ADGRB2: variants seen among roughly 807,000 people sequenced by gnomAD.
The protein encoded by ADGRB2 is brain-specific angiogenesis inhibitor 2.
A neutral mutation model predicts 178.7 loss-of-function variants in ADGRB2; 47 were observed. The ratio of observed to expected loss-of-function variants is 0.26; its 90% confidence interval spans 0.21 to 0.34. The LOEUF (loss-of-function observed/expected upper bound fraction) is 0.34. Among genes scored for constraint, ADGRB2 ranks in the 10% least tolerant of loss-of-function variants. The pLI is 1.00. For missense variants in ADGRB2, 1,584 were observed against 2,180.8 expected (o/e 0.73, Z 5.45); for synonymous variants, 870 against 912.4 (o/e 0.95, Z 0.84).
rs558506914 is a variant in ADGRB2 at position 31,740,714 on chromosome 1, TAG to T, written c.1795-175_1795-174del. Among the ~76,000 whole-genome samples the T allele has an allele frequency of 6.6e-6, 1 of 151,478 alleles. No homozygotes were observed. The highest frequency in any genetic ancestry group is 6.6e-5 in the Admixed American group (1 of 15,230). Reference sequence around the variant, plus strand: ...AGACAGAGTCCGAGAAAGAGACTCATAGAGAGAGAGAGAATCCCAAAGGGTAC... The same window carrying T: ...AGACAGAGTCCGAGAAAGAGACTCATAGAGAGAGAGAATCCCAAAGGGTAC... On this transcript the variant is annotated intron_variant, in intron 11 of 32. Coordinates refer to ENST00000373658, the MANE Select transcript of ADGRB2 (RefSeq NM_001364857.2). The surrounding 1 kb of genome is among the most constrained non-coding windows in gnomAD (Gnocchi z 5.9).
chr1:31,733,261 C>G lies in ADGRB2; in HGVS notation c.3453-118G>C. ...GCCCAAGACTGGGAGGGCCCCAAAC[C>G]CCAGGGCCTCAGTAATGTCCCCAAG... On this transcript the variant is annotated intron_variant, in intron 25 of 32. Coordinates refer to ENST00000373658, the MANE Select transcript of ADGRB2 (RefSeq NM_001364857.2). This position sits in a 1 kb window ranked among gnomAD's most constrained non-coding sequence, Gnocchi z 4.3. The G allele has an allele frequency of 9.0e-7, 1 of 1,113,460 alleles. No homozygotes were observed. Among genetic ancestry groups the G allele is most frequent in the Non-Finnish European group, 1.3e-6 (1 of 790,904 alleles). 69.0% of individuals were successfully genotyped at this position (1,113,460 alleles called of 1,614,324 possible).
intron 2 of ADGRB2, 48 bp from the exon 3 acceptor site, chr1:31,757,329 T>C: frequency 7.2e-7 from 1 of 1,396,670 alleles, no homozygotes; most frequent in Non-Finnish European, 1.0e-6. Context: ...TTTGCTTTTT[T>C]ATAAATTAGA....
In ADGRB2 at chr1:31,742,138, C is replaced by T; in HGVS notation, c.1332G>A (p.Arg444=). The T allele has an allele frequency of 6.2e-7, 1 of 1,613,566 alleles. No individual in the cohort carries two copies. The highest frequency in any genetic ancestry group is 8.5e-7 in the Non-Finnish European group (1 of 1,179,944). Residue 444 remains arginine (R), a synonymous_variant, in exon 8 of 33, where the codon CGG becomes CGA. Transcript: ENST00000373658. ...AGGCTGGGCCCGCCACGCTGCACTT[C>T]CGGCTGCGCTGTTGGGTCCCATTGG... The part of the protein sequence containing the change: ...SCANGTQQRS[R]KCSVAGPAWA...
intron 15 of ADGRB2, 105 bp from the exon 16 acceptor site, chr1:31,739,042 G>T: frequency 9.3e-7 from 1 of 1,074,672 alleles, no homozygotes. Context: ...AAGGAGCCAA[G>T]GCCCAGGGGA....
chr1:31,764,076 G>T lies in ADGRB2; in HGVS notation c.-383C>A. 4.2e-6 allele frequency: 4 copies of T among 959,270 alleles called. No individual in the cohort carries two copies. The highest frequency in any genetic ancestry group is 3.7e-6 in the Non-Finnish European group (3 of 810,858). 59.4% of individuals were successfully genotyped at this position (959,270 alleles called of 1,614,324 possible). On this transcript the variant is annotated 5_prime_UTR_variant, in exon 1 of 33. Transcript: ENST00000373658. The surrounding 1 kb of genome is among the most constrained non-coding windows in gnomAD (Gnocchi z 7.3). The stretch of plus-strand genomic sequence containing the variant: ...GCCGCGGAGCAGCGCGGGGCGGGCG[G>T]GCGGGCGGCGCCGGGCCGGGCGCGG...
Position 31,727,832 on chromosome 1 carries a change from A to T in ADGRB2, c.4572+193T>A. Reference sequence around the variant, plus strand: ...TCTCCTGCTGACCACTCTCCCTCCCAATCCTGGAGGACCTCCACCCCTGTT... The same window carrying T: ...TCTCCTGCTGACCACTCTCCCTCCCTATCCTGGAGGACCTCCACCCCTGTT... On this transcript the variant is annotated intron_variant, in intron 32 of 32. Transcript: ENST00000373658. The surrounding 1 kb of genome is among the most constrained non-coding windows in gnomAD (Gnocchi z 4.4). 1.1e-6 allele frequency: 1 copy of T among 900,208 alleles called. No homozygotes were observed. Among genetic ancestry groups the T allele is most frequent in the South Asian group, 1.8e-5 (1 of 55,600 alleles). 55.8% of individuals were successfully genotyped at this position (900,208 alleles called of 1,614,324 possible). A position where few individuals can be genotyped will look rare whatever the true frequency, so the allele number is the denominator to read the frequency against.
At chr1:31,763,761 G>C in intron 1 of ADGRB2, 123 bp downstream of exon 1, 1 of 978,780 alleles carries the variant, frequency 1.0e-6, no homozygotes, top group South Asian at 4.7e-5. Flanking sequence ...AGTTCGGGCT[G>C]GGGGAGAATT....
intron 28 of ADGRB2, among the ~76,000 whole-genome samples, chr1:31,731,813 T>C (rs1486168654): frequency 1.3e-5 from 2 of 152,172 alleles, no homozygotes; most frequent in Non-Finnish European, 2.9e-5. Context: ...CTCTGTGCCA[T>C]GGGTCCTGCT....
rs2148895182 is a variant in ADGRB2, at chr1:31,732,534, C to T, written c.3703G>A (p.Gly1235Arg). Residue 1235 changes from glycine to arginine, a missense_variant, in exon 27 of 33, where the codon GGG becomes AGG. Gly to Arg is a moderately radical substitution (Grantham distance 125). This residue lies in a region of ADGRB2 where 865 missense variants were observed against 1,192.8 expected (regional missense o/e 0.73). Coordinates refer to ENST00000373658, the MANE Select transcript of ADGRB2 (RefSeq NM_001364857.2). ...TAACTCACCAGGATCTGCAGCTGCC[C>T]GTTCTTACACGAGTCAGGGGAGTCT... is the stretch of plus-strand genomic sequence containing the variant. ...SEDSPDSCKN[G>R]QLQILSDFEK... 1.9e-6 allele frequency: 3 copies of T among 1,614,172 alleles called. No homozygotes were observed. The highest frequency in any genetic ancestry group is 1.3e-5 in the African/African-American group (1 of 75,068).
Position 31,744,235 on chromosome 1 carries a change from G to C in ADGRB2, c.1045C>G (p.Leu349Val). The C allele has an allele frequency of 1.3e-6, 2 of 1,546,618 alleles. No individual in the cohort carries two copies. The highest frequency in any genetic ancestry group is 1.7e-6 in the Non-Finnish European group (2 of 1,144,286). ...SPYGTLCSGP[L>V]RETRPCNNSA... ...TTGTTGCAGGGCCTGGTCTCCCGCA[G>C]GGGCCCGCTGCACAGGGTCCCATAG... The change falls in exon 6 of 33, where the codon CTG becomes GTG. Residue 349 changes from leucine to valine, a missense_variant. By Grantham distance (32) the Leu-to-Val change is conservative (BLOSUM62 1). Coordinates refer to ENST00000373658, the MANE Select transcript of ADGRB2 (RefSeq NM_001364857.2). The surrounding 1 kb of genome is among the most constrained non-coding windows in gnomAD (Gnocchi z 6.7).
chr1:31,744,690 G>T lies in ADGRB2; in HGVS notation c.880C>A (p.Pro294Thr), dbSNP rs1646185692. ...EEEPKVKTQWPRSADEPGLYM... is the reference protein window; with the variant it reads ...EEEPKVKTQWTRSADEPGLYM... Reference sequence around the variant, plus strand: ...AGCCCAGGCTCATCTGCAGACCTCGGCCACTGGGTTTTCACTTTCGGTTCC... The same window carrying T: ...AGCCCAGGCTCATCTGCAGACCTCGTCCACTGGGTTTTCACTTTCGGTTCC... The change falls in exon 5 of 33, where the codon CCG becomes ACG. Residue 294 changes from proline to threonine, a missense_variant. Around this residue, in one of 3 missense-constraint regions of ADGRB2, gnomAD observed 657 missense variants for 847.6 expected, o/e 0.78. Transcript: ENST00000373658. The surrounding 1 kb of genome is among the most constrained non-coding windows in gnomAD (Gnocchi z 6.7). The T allele has an allele frequency of 4.3e-6, 7 of 1,614,188 alleles. No individual in the cohort carries two copies. The highest frequency in any genetic ancestry group is 5.9e-6 in the Non-Finnish European group (7 of 1,180,024).
In ADGRB2 at chr1:31,741,492, A is replaced by G; in HGVS notation, c.1688-13T>C. ...CGGCTGGCAGACCCTGCAGGGCAAT[A>G]GGACAGAGGTCTGGGCATGGGGGCC... On this transcript the variant is annotated splice_polypyrimidine_tract_variant and intron_variant, in intron 10 of 32. Transcript: ENST00000373658. The surrounding 1 kb of genome is among the most constrained non-coding windows in gnomAD (Gnocchi z 6.5). 6.3e-7 allele frequency: 1 copy of G among 1,584,820 alleles called. No homozygotes were observed. The highest frequency in any genetic ancestry group is 1.7e-4 in the Middle Eastern group (1 of 6,014).
At chr1:31,743,278 AG>A (rs1201764868) in intron 6 of ADGRB2, among the ~76,000 whole-genome samples, 1 of 152,026 alleles carries the variant, frequency 6.6e-6, no homozygotes, top group African/African-American at 2.4e-5. Flanking sequence ...GAGGGGAACC[AG>A]GGGTCCTCCT....
Position 31,728,122 on chromosome 1 carries a change from C to T in ADGRB2, c.4516-41G>A, listed in dbSNP as rs1355978087. 6.2e-7 allele frequency: 1 copy of T among 1,613,220 alleles called. No individual in the cohort carries two copies. Among genetic ancestry groups the T allele is most frequent in the Admixed American group, 1.7e-5 (1 of 59,978 alleles). On this transcript the variant is annotated intron_variant, in intron 31 of 32. Coordinates refer to ENST00000373658, the MANE Select transcript of ADGRB2 (RefSeq NM_001364857.2). The surrounding 1 kb of genome is among the most constrained non-coding windows in gnomAD (Gnocchi z 6.7). The stretch of plus-strand genomic sequence containing the variant: ...CCGGTCAGGCTCCAACCCCAGGGGC[C>T]ACTGCACCAGGTCAGGCCCTGAGCT...
Position 31,728,836 on chromosome 1 carries a change from A to ACACACACACACACACACACACACACACC in ADGRB2, c.4381-204_4381-203insGGTGTGTGTGTGTGTGTGTGTGTGTGTG, listed in dbSNP as rs1645133931. 6.6e-6 allele frequency among the ~76,000 whole-genome samples: 1 copy of ACACACACACACACACACACACACACACC among 151,018 alleles called. No individual in the cohort carries two copies. Among genetic ancestry groups the ACACACACACACACACACACACACACACC allele is most frequent in the East Asian group, 1.9e-4 (1 of 5,138 alleles). ...CACACACACACACACACACACACAC[A>ACACACACACACACACACACACACACACC]CACACACACACGTCAAATGGCATGG... is the stretch of plus-strand genomic sequence containing the variant. On this transcript the variant is annotated intron_variant, in intron 29 of 32. Transcript: ENST00000373658. The surrounding 1 kb of genome is among the most constrained non-coding windows in gnomAD (Gnocchi z 6.7).
chr1:31,735,365 G>A lies in ADGRB2; in HGVS notation c.3354-84C>T. 8.5e-7 allele frequency: 1 copy of A among 1,181,846 alleles called. No homozygotes were observed. Among genetic ancestry groups the A allele is most frequent in the Non-Finnish European group, 1.2e-6 (1 of 825,934 alleles). The allele number at this position is 1,181,846 out of a possible 1,614,324, so 73.2% of individuals were successfully genotyped here. ...GGGCAGAATGAGCCCCGAGTGGGGT[G>A]GGAGGGGAGGGCAGACGAGAGAGAG... On this transcript the variant is annotated intron_variant, in intron 24 of 32. Coordinates refer to ENST00000373658, the MANE Select transcript of ADGRB2 (RefSeq NM_001364857.2). The surrounding 1 kb of genome is among the most constrained non-coding windows in gnomAD (Gnocchi z 6.0).
chr1:31,764,025 TC>T lies in ADGRB2; in HGVS notation c.-333del. The T allele has an allele frequency of 1.0e-6, 1 of 954,098 alleles. No homozygotes were observed. Among genetic ancestry groups the T allele is most frequent in the Non-Finnish European group, 1.2e-6 (1 of 820,850 alleles). 59.1% of individuals were successfully genotyped at this position (954,098 alleles called of 1,614,324 possible). A position where few individuals can be genotyped will look rare whatever the true frequency, so the allele number is the denominator to read the frequency against. On this transcript the variant is annotated 5_prime_UTR_variant, in exon 1 of 33. Coordinates refer to ENST00000373658, the MANE Select transcript of ADGRB2 (RefSeq NM_001364857.2). The surrounding 1 kb of genome is among the most constrained non-coding windows in gnomAD (Gnocchi z 7.3). Reference sequence around the variant, plus strand: ...GCGCGGAGGGCCGAGGCTCCCGCTCTCCCGGGCGGCGGGTGCAGAAAAGGCG... The same window carrying T: ...GCGCGGAGGGCCGAGGCTCCCGCTCTCCGGGCGGCGGGTGCAGAAAAGGCG...
At chr1:31,750,743 G>A (rs1646524862) in intron 4 of ADGRB2, among the ~76,000 whole-genome samples, 1 of 152,018 alleles carries the variant, frequency 6.6e-6, no homozygotes, top group Admixed American at 6.5e-5. Context: ...AGTGCTTCTT[G>A]CACCCCACAG....
intron 28 of ADGRB2, 44 bp downstream of exon 28, chr1:31,732,071 C>A (rs552175925): frequency 6.2e-7 from 1 of 1,612,360 alleles, no homozygotes; most frequent in South Asian, 1.1e-5. Context: ...TCCCCTTCTT[C>A]TCCAACCCCA....
Sources: allele counts gnomAD v4.1 joint callset (sites outside exome capture counted in the v4.1 genomes callset), GRCh38; gene constraint gnomAD v4.1.1; regional missense constraint gnomAD v4.1.1; non-coding constraint Gnocchi (gnomAD v3.1); transcripts MANE v1.5; gene names NCBI Gene and HGNC (gene_info 2026-07-23, HGNC 2026-07-21).